Variants in MED13L observed in about 807,000 individuals in gnomAD.
MED13L encodes mediator of RNA polymerase II transcription subunit 13-like.
Under a neutral mutation model 220.9 loss-of-function variants are expected in MED13L, and 7 were observed. The ratio of observed to expected loss-of-function variants is 0.03; its 90% CI spans 0.02 to 0.06. The LOEUF (loss-of-function observed/expected upper bound fraction) is 0.06. MED13L is among the 10% of genes least tolerant of loss of function. The pLI is 1.00. For missense variants in MED13L, 1,965 were observed against 2,760.5 expected (o/e 0.71, Z 6.46); for synonymous variants, 1,011 against 1,015.2 (o/e 1.00, Z 0.08).
intron 2 of MED13L, among the ~76,000 whole-genome samples, chr12:116,221,116 T>C (rs1386365196): frequency 6.6e-6 from 1 of 152,114 alleles, no homozygotes; most frequent in Non-Finnish European, 1.5e-5. Context: ...GGCTCATGTG[T>C]GTAATCTCAA....
chr12:116,127,671 A>T (rs759968172), intron 2 of MED13L, among the ~76,000 whole-genome samples: 2 of 152,214 alleles, frequency 1.3e-5, no homozygotes, highest in Admixed American at 1.3e-4. Context: ...AGAAATTGTC[A>T]TCCCGTTTCT....
intron 1 of MED13L, among the ~76,000 whole-genome samples, chr12:116,238,961 G>A (rs2138465743): frequency 6.6e-6 from 1 of 152,204 alleles, no homozygotes; most frequent in South Asian, 2.1e-4. Context: ...CGGGCGTGGT[G>A]GCGTGTGCCT....
intron 4 of MED13L, among the ~76,000 whole-genome samples, chr12:116,054,213 AACACACAC>A (rs58217261): frequency 1.5e-5 from 2 of 131,034 alleles, no homozygotes; most frequent in Admixed American, 7.4e-5. Context: ...CACACACACA[AACACACAC>A]ACACACACAC....
chr12:115,975,093 C>A, intron 25 of MED13L, 78 bp downstream of exon 25: 1 of 1,392,384 alleles, frequency 7.2e-7, no homozygotes, highest in South Asian at 1.2e-5. Flanking sequence ...TAAACATTTT[C>A]TCCCTTAGCT....
intron 23 of MED13L, among the ~76,000 whole-genome samples, chr12:115,978,058 G>A (rs1404557314): frequency 6.6e-6 from 1 of 151,974 alleles, no homozygotes; most frequent in East Asian, 1.9e-4. Flanking sequence ...AGACCAGCGT[G>A]AGCAATATAA....
intron 2 of MED13L, among the ~76,000 whole-genome samples, chr12:116,178,143 CTGAGATTA>C (rs202159032): frequency 0.088 from 13,376 of 152,110 alleles, 696 homozygotes; most frequent in East Asian, 0.21. Flanking sequence ...CCAAAGAGTG[CTGAGATTA>C]CACCACGCCT....
chr12:116,193,073 G>A (rs1334550935), intron 2 of MED13L, among the ~76,000 whole-genome samples: 1 of 151,962 alleles, frequency 6.6e-6, no homozygotes, highest in East Asian at 1.9e-4. Flanking sequence ...GGTTCGCAGT[G>A]AGCCGAGATC....
In MED13L at chr12:115,997,179, T is replaced by G. The variant is rs747695084; in HGVS notation, c.2621A>C (p.His874Pro). 41 of 1,614,002 alleles carry G rather than the reference T, an allele frequency of 2.5e-5. No individual in the cohort carries two copies. The highest frequency in any genetic ancestry group is 3.3e-5 in the Non-Finnish European group (39 of 1,180,012). ...ATTCATCACAGGAGAAAATGCAGGA[T>G]GCTGTTCCAAAGATGGTGGAGTGGG... Reference protein sequence around the residue: ...MFPTPPSLEQHPAFSPVMNYK... With the variant: ...MFPTPPSLEQPPAFSPVMNYK... The change falls in exon 15 of 31, where the codon CAT (histidine) becomes CCT (proline). Residue 874 changes from histidine to proline, a missense_variant. Around this residue, in one of 10 missense-constraint regions of MED13L, gnomAD observed 9 missense variants for 39.6 expected, o/e 0.23. Coordinates refer to ENST00000281928, the MANE Select transcript of MED13L (RefSeq NM_015335.5).
intron 1 of MED13L, among the ~76,000 whole-genome samples, chr12:116,256,632 T>C (rs1326479034): frequency 6.6e-6 from 1 of 151,978 alleles, no homozygotes; most frequent in Non-Finnish European, 1.5e-5. Context: ...AAGAAATGTA[T>C]GTATTAATGG....
At position 116,201,362 on chromosome 12, in the gene MED13L, C is replaced by A. The variant is rs1294748663; in HGVS notation, c.310+36106G>T. On this transcript the variant is annotated intron_variant, in intron 2 of 30. Coordinates refer to ENST00000281928, the MANE Select transcript of MED13L (RefSeq NM_015335.5). ...GGGTTGTAATAATAAATGAAGAAAC[C>A]CTGAGATGGATACATTTCCTTAACT... 2.0e-5 allele frequency among the ~76,000 whole-genome samples: 3 copies of A among 150,626 alleles called. 1 individual carries two copies. The highest frequency in any genetic ancestry group is 2.0e-4 in the Admixed American group (3 of 15,116).
At chr12:116,237,177 C>G (rs1231505547) in intron 2 of MED13L, among the ~76,000 whole-genome samples, 1 of 152,120 alleles carries the variant, frequency 6.6e-6, no homozygotes, top group Admixed American at 6.5e-5. Context: ...CATTTAAAAA[C>G]AGTGGATCTT....
chr12:116,256,960 C>A (rs1366416932), intron 1 of MED13L, among the ~76,000 whole-genome samples: 3 of 152,162 alleles, frequency 2.0e-5, no homozygotes, highest in Non-Finnish European at 4.4e-5. Context: ...CAGGCATGAG[C>A]CACCGTGCCC....
chr12:115,988,139 G>C (rs930196588), intron 17 of MED13L, among the ~76,000 whole-genome samples: 1 of 152,168 alleles, frequency 6.6e-6, no homozygotes, highest in African/African-American at 2.4e-5. Context: ...TAGCTGATGA[G>C]GGAAGGGGCA....
chr12:116,267,334 A>G (rs1328451893), intron 1 of MED13L, among the ~76,000 whole-genome samples: 2 of 152,240 alleles, frequency 1.3e-5, no homozygotes, highest in African/African-American at 4.8e-5. Context: ...GAAAGACACA[A>G]GAACAATTTA....
At chr12:116,034,237 C>A (rs1450825683) in intron 4 of MED13L, among the ~76,000 whole-genome samples, 1 of 152,038 alleles carries the variant, frequency 6.6e-6, no homozygotes, top group African/African-American at 2.4e-5. Context: ...TCATATTTTA[C>A]CTATCATTTT....
chr12:116,272,147 C>T (rs1873421402), intron 1 of MED13L, among the ~76,000 whole-genome samples: 1 of 152,038 alleles, frequency 6.6e-6, no homozygotes, highest in Non-Finnish European at 1.5e-5. Context: ...AGATGAGTTT[C>T]ATCTCAATTT....
At chr12:116,254,269 A>G (rs1871841422) in intron 1 of MED13L, among the ~76,000 whole-genome samples, 1 of 152,128 alleles carries the variant, frequency 6.6e-6, no homozygotes, top group Non-Finnish European at 1.5e-5. Flanking sequence ...AGTAAAATAC[A>G]AATTACAAAG....
chr12:115,983,662 T>G, intron 20 of MED13L, 122 bp from the exon 21 acceptor site: 1 of 1,000,018 alleles, frequency 1.0e-6, no homozygotes, highest in Non-Finnish European at 1.5e-6. Flanking sequence ...CTGATTACAA[T>G]ACCCAAAATA....
chr12:115,987,030 G>A (rs933920589), intron 18 of MED13L, 79 bp downstream of exon 18: 23 of 1,410,134 alleles, frequency 1.6e-5, no homozygotes, highest in Middle Eastern at 3.8e-4. Flanking sequence ...GTGACGCAAG[G>A]ACTTGACAGT....
Sources: allele counts gnomAD v4.1 joint callset (sites outside exome capture counted in the v4.1 genomes callset), GRCh38; gene constraint gnomAD v4.1.1; regional missense constraint gnomAD v4.1.1; transcripts MANE v1.5; gene names NCBI Gene and HGNC (gene_info 2026-07-23, HGNC 2026-07-21).